EGFR: variants seen among roughly 807,000 people sequenced by gnomAD.
EGFR encodes the protein avian erythroblastic leukemia viral (v-erb-b) oncogene homolog.
Under a neutral mutation model 143.0 loss-of-function variants are expected in EGFR, and 58 were observed. That is an observed-to-expected ratio of 0.41 (90% CI 0.33 to 0.50). The LOEUF is 0.50. Ranked by LOEUF, EGFR falls within the 20% of genes least tolerant of loss-of-function variation. The pLI is 0.39. For synonymous variants in EGFR, 613 were observed against 594.4 expected (o/e 1.03, Z -0.45); for missense variants, 1,307 against 1,579.0 (o/e 0.83, Z 2.92).
intron 20 of EGFR, among the ~76,000 whole-genome samples, chr7:55,184,232 G>A (rs927263472): frequency 1.3e-5 from 2 of 152,202 alleles, no homozygotes; most frequent in African/African-American, 4.8e-5. Context: ...TCCCCACTGA[G>A]TGTTCTTTTC....
At chr7:55,137,001 A>C (rs1243407312) in intron 1 of EGFR, among the ~76,000 whole-genome samples, 2 of 152,198 alleles carry the variant, frequency 1.3e-5, no homozygotes, top group African/African-American at 4.8e-5. Context: ...TAACAAATTC[A>C]TAGGCAAATA....
intron 1 of EGFR, among the ~76,000 whole-genome samples, chr7:55,050,567 T>A (rs1405715056): frequency 6.6e-6 from 1 of 152,208 alleles, no homozygotes; most frequent in Admixed American, 6.5e-5. Context: ...CTGTATGCCT[T>A]TGTCTTTTAA....
intron 1 of EGFR, among the ~76,000 whole-genome samples, chr7:55,126,833 G>GA (rs1363241482): frequency 6.6e-6 from 1 of 152,196 alleles, no homozygotes; most frequent in African/African-American, 2.4e-5. Flanking sequence ...TTTGTCAGGG[G>GA]ATGAGTGAGA....
At chr7:55,147,875 T>C (rs547941759) in intron 4 of EGFR, among the ~76,000 whole-genome samples, 17 of 152,360 alleles carry the variant, frequency 1.1e-4, no homozygotes, top group African/African-American at 4.1e-4. Context: ...GGTGGAATCA[T>C]GTAGTATCTG....
intron 22 of EGFR, among the ~76,000 whole-genome samples, chr7:55,197,569 G>C (rs1166548703): frequency 2.0e-5 from 3 of 152,204 alleles, no homozygotes; most frequent in Non-Finnish European, 4.4e-5. Context: ...TTGAGAGAGG[G>C]AATCCTTGTC....
rs113846872 is a variant in EGFR, at chr7:55,051,056, C to G, written c.88+31691C>G. On this transcript the variant is annotated intron_variant, in intron 1 of 27. Transcript: ENST00000275493. The stretch of plus-strand genomic sequence containing the variant: ...ATCCATTCATTCTGGGAATCCTGGT[C>G]GGCACCATGCTAGAACTTCTGCAAG... Among the ~76,000 whole-genome samples, 641 of 152,264 alleles carry G rather than the reference C, an allele frequency of 4.2e-3. 4 individuals carry two copies. Among genetic ancestry groups the G allele is most frequent in the Non-Finnish European group, 7.7e-3 (524 of 68,024 alleles).
At chr7:55,096,715 C>G (rs1235248949) in intron 1 of EGFR, among the ~76,000 whole-genome samples, 1 of 152,186 alleles carries the variant, frequency 6.6e-6, no homozygotes, top group Non-Finnish European at 1.5e-5. Flanking sequence ...AAAAGAAACT[C>G]CCCACCCATG....
At chr7:55,162,061 G>A (rs1043772340) in intron 13 of EGFR, among the ~76,000 whole-genome samples, 1 of 152,174 alleles carries the variant, frequency 6.6e-6, no homozygotes, top group Non-Finnish European at 1.5e-5. Flanking sequence ...TCTGTTTTAT[G>A]TGCCCCCAGC....
At chr7:55,021,073 G>A (rs1786540344) in intron 1 of EGFR, among the ~76,000 whole-genome samples, 1 of 152,060 alleles carries the variant, frequency 6.6e-6, no homozygotes, top group African/African-American at 2.4e-5. Context: ...GATGTTACTT[G>A]CCAATGCTAA....
chr7:55,044,602 G>A (rs1000210392), intron 1 of EGFR, among the ~76,000 whole-genome samples: 4 of 152,202 alleles, frequency 2.6e-5, no homozygotes, highest in Non-Finnish European at 4.4e-5. Context: ...CACCTGCGGG[G>A]TGTCCCCTTG....
In EGFR at chr7:55,191,710, C is replaced by A; in HGVS notation, c.2470-9C>A. 6.2e-7 allele frequency: 1 copy of A among 1,613,714 alleles called. No homozygotes were observed. Among genetic ancestry groups the A allele is most frequent in the African/African-American group, 1.3e-5 (1 of 75,020 alleles). ...TCTGTCCCTCACAGCAGGGTCTTCT[C>A]TGTTTCAGGGCATGAACTACTTGGA... On this transcript the variant is annotated splice_polypyrimidine_tract_variant and intron_variant, in intron 20 of 27. Coordinates refer to ENST00000275493, the MANE Select transcript of EGFR (RefSeq NM_005228.5).
rs1794570658 is a variant in EGFR, at chr7:55,143,286, T to G, written c.241-19T>G. 1 of 1,613,812 alleles carries G rather than the reference T, an allele frequency of 6.2e-7. No homozygotes were observed. The highest frequency in any genetic ancestry group is 1.7e-5 in the Admixed American group (1 of 60,010). On this transcript the variant is annotated intron_variant, in intron 2 of 27. Transcript: ENST00000275493. ...GTTCCTCAAAAGAGAAATCACGCAT[T>G]TATGTTTTCTCTTCTTAGACCATCC...
intron 1 of EGFR, among the ~76,000 whole-genome samples, chr7:55,035,582 G>A (rs1434117247): frequency 6.6e-6 from 1 of 151,044 alleles, no homozygotes; most frequent in Non-Finnish European, 1.5e-5. Context: ...CTACTAGGGA[G>A]ACTGAGACAT....
chr7:55,203,537 AC>A (rs1787961137), intron 27 of EGFR, among the ~76,000 whole-genome samples: 1 of 139,304 alleles, frequency 7.2e-6, no homozygotes, highest in Non-Finnish European at 1.5e-5. Flanking sequence ...ACGTACACAT[AC>A]ACCACACACA....
At chr7:55,143,800 GA>G (rs1794606748) in intron 3 of EGFR, among the ~76,000 whole-genome samples, 1 of 152,302 alleles carries the variant, frequency 6.6e-6, no homozygotes, top group South Asian at 2.1e-4. Context: ...CAGGAATCGT[GA>G]ATCTATGTGT....
At chr7:55,046,843 G>A (rs775454951) in intron 1 of EGFR, among the ~76,000 whole-genome samples, 33 of 152,096 alleles carry the variant, frequency 2.2e-4, no homozygotes, top group Non-Finnish European at 8.8e-5. Context: ...GTTTTGGAAG[G>A]GACATTCAGA....
intron 7 of EGFR, 35 bp downstream of exon 7, chr7:55,154,187 G>A (rs2128935278): frequency 1.9e-6 from 3 of 1,614,176 alleles, no homozygotes; most frequent in Non-Finnish European, 2.5e-6. Context: ...TAACTGGTCA[G>A]GCATCCTTGT....
chr7:55,161,536 C>A lies in EGFR; in HGVS notation c.1536C>A (p.Pro512=), dbSNP rs374670788. The A allele has an allele frequency of 5.0e-6, 8 of 1,614,130 alleles. No individual in the cohort carries two copies. The highest frequency in any genetic ancestry group is 1.7e-5 in the Admixed American group (1 of 60,016). ...AGGTCTGCCATGCCTTGTGCTCCCC[C>A]GAGGGCTGCTGGGGCCCGGAGCCCA... ...TGQVCHALCS[P]EGCWGPEPRD... The change falls in exon 13 of 28, where the codon CCC becomes CCA. Residue 512 remains proline, a synonymous_variant. Transcript: ENST00000275493.
At position 55,058,500 on chromosome 7, in the gene EGFR, A is replaced by C. The variant is rs547573815; in HGVS notation, c.88+39135A>C. 2.6e-5 allele frequency among the ~76,000 whole-genome samples: 4 copies of C among 152,368 alleles called. No individual in the cohort carries two copies. The East Asian group carries it at 7.7e-4, about 29-fold the overall frequency. Reference sequence around the variant, plus strand: ...AGACTGCATAAAGAAAATGTGGTACATATATACCACGAAATACTATGCAGC... The same window carrying C: ...AGACTGCATAAAGAAAATGTGGTACCTATATACCACGAAATACTATGCAGC... On this transcript the variant is annotated intron_variant, in intron 1 of 27. Transcript: ENST00000275493.
Sources: allele counts gnomAD v4.1 joint callset (sites outside exome capture counted in the v4.1 genomes callset), GRCh38; gene constraint gnomAD v4.1.1; transcripts MANE v1.5; gene names NCBI Gene and HGNC (gene_info 2026-07-23, HGNC 2026-07-21).